The following NUP133 variants were observed in gnomAD, a reference collection of about 807,000 sequenced individuals.
NUP133 encodes nuclear pore complex protein Nup133.
In NUP133, 66 loss-of-function variants were observed where a neutral mutation model predicts 146.2. That is an observed-to-expected ratio of 0.45 (90% confidence interval 0.37 to 0.55). NUP133 has a LOEUF of 0.55. Ranked by LOEUF, NUP133 falls within the 20% of genes least tolerant of loss-of-function variation. NUP133 has a pLI of 0.00. For synonymous variants in NUP133, 521 were observed against 498.8 expected (o/e 1.04, Z -0.59); for missense variants, 1,277 against 1,374.8 (o/e 0.93, Z 1.12).
At chr1:229,498,683 G>C (rs964486614) in intron 5 of NUP133, among the ~76,000 whole-genome samples, 6 of 151,626 alleles carry the variant, frequency 4.0e-5, no homozygotes, top group African/African-American at 1.5e-4. Flanking sequence ...TTGAACCCAG[G>C]AGGCAGAGGT....
At chr1:229,503,977 CAA>C (rs910078559) in intron 2 of NUP133, among the ~76,000 whole-genome samples, 13 of 141,650 alleles carry the variant, frequency 9.2e-5, no homozygotes, top group African/African-American at 2.9e-4. Context: ...ACATATATAC[CAA>C]TATATATATA....
chr1:229,499,950 C>T (rs554109890), intron 4 of NUP133, 132 bp from the exon 5 acceptor site: 4 of 1,107,326 alleles, frequency 3.6e-6, no homozygotes, highest in African/African-American at 3.2e-5. Context: ...TAAGAACTCA[C>T]CAGTGTTTTG....
At chr1:229,470,247 A>T (rs527352239) in intron 15 of NUP133, among the ~76,000 whole-genome samples, 25 of 151,510 alleles carry the variant, frequency 1.7e-4, no homozygotes, top group African/African-American at 6.1e-4. Flanking sequence ...CTGAGGTAGG[A>T]GAATCACTGG....
chr1:229,507,981 C>T (rs547637008), intron 1 of NUP133, 87 bp downstream of exon 1: 2 of 1,328,068 alleles, frequency 1.5e-6, no homozygotes, highest in East Asian at 2.9e-5. Flanking sequence ...GCCCCGGTTC[C>T]AAAGGCTTCT....
In NUP133 at chr1:229,477,696, A is replaced by G. The variant is rs1346366609; in HGVS notation, c.1657T>C (p.Ser553Pro). 1.2e-6 allele frequency: 2 copies of G among 1,613,902 alleles called. No homozygotes were observed. The highest frequency in any genetic ancestry group is 2.2e-5 in the East Asian group (1 of 44,888). The change falls in exon 13 of 26, where the codon TCT becomes CCT. Residue 553 changes from serine to proline, a missense_variant. This residue lies in a region of NUP133 where 952 missense variants were observed against 1,047.0 expected (regional missense o/e 0.91). Coordinates refer to ENST00000261396, the MANE Select transcript of NUP133 (RefSeq NM_018230.3). ...ELFSSHSDLDSDSELDRAVTQ... is the reference protein window; with the variant it reads ...ELFSSHSDLDPDSELDRAVTQ... ...ACTGCCCTGTCTAGTTCAGAATCAG[A>G]ATCCAAATCAGAGTGAGAGGAAAAG...
intron 11 of NUP133, 132 bp downstream of exon 11, chr1:229,486,239 T>C (rs557961868): frequency 3.8e-5 from 29 of 767,820 alleles, no homozygotes; most frequent in Middle Eastern, 2.7e-4. Flanking sequence ...GGAGGATTGC[T>C]TGAGGCCAGG....
Position 229,496,035 on chromosome 1 carries a change from G to C in NUP133, c.832C>G (p.Leu278Val). ...AAGCTTGATCTCTCTCTATCCCAGA[G>C]AACACTTGAAAGCTATTCAGAAAAG... Reference protein sequence around the residue: ...PSSDLTLSSVLWDRERSSFYS... With the variant: ...PSSDLTLSSVVWDRERSSFYS... Residue 278 changes from leucine (L) to valine (V), a missense_variant, in exon 7 of 26, where the codon CTC (leucine) becomes GTC (valine). Transcript: ENST00000261396. 1 of 1,582,766 alleles carries C rather than the reference G, an allele frequency of 6.3e-7. No homozygotes were observed. Among genetic ancestry groups the C allele is most frequent in the Non-Finnish European group, 8.6e-7 (1 of 1,169,488 alleles).
At chr1:229,498,400 G>T in intron 5 of NUP133, 94 bp from the exon 6 acceptor site, 1 of 803,074 alleles carries the variant, frequency 1.2e-6, no homozygotes, top group Non-Finnish European at 1.9e-6. Context: ...CATCGTAATT[G>T]AAATAAATCT....
chr1:229,505,119 T>C (rs933592311), intron 2 of NUP133, among the ~76,000 whole-genome samples: 9 of 152,218 alleles, frequency 5.9e-5, no homozygotes, highest in African/African-American at 2.2e-4. Context: ...TTCTTCCAAG[T>C]GGCCCAGGGA....
chr1:229,457,757 C>G, intron 21 of NUP133, among the ~76,000 whole-genome samples: 1 of 152,138 alleles, frequency 6.6e-6, no homozygotes, highest in East Asian at 1.9e-4. Context: ...GCCAACTGTA[C>G]TATATGTAAT....
chr1:229,460,885 A>AT, intron 19 of NUP133, 116 bp from the exon 20 acceptor site: 1 of 773,948 alleles, frequency 1.3e-6, no homozygotes, highest in Non-Finnish European at 2.0e-6. Flanking sequence ...TCTAAACAAT[A>AT]ATTTCCTATA....
At chr1:229,493,868 G>A (rs1661586047) in intron 8 of NUP133, among the ~76,000 whole-genome samples, 1 of 152,202 alleles carries the variant, frequency 6.6e-6, no homozygotes, top group Admixed American at 6.5e-5. Flanking sequence ...CGTGGTGGCT[G>A]ACACCTGCAA....
chr1:229,463,227 G>A (rs1467947025), intron 19 of NUP133, among the ~76,000 whole-genome samples: 2 of 152,000 alleles, frequency 1.3e-5, no homozygotes, highest in Admixed American at 1.3e-4. Flanking sequence ...TGTCTCTACT[G>A]AAAAATGAAC....
rs534810481 is a variant in NUP133 at position 229,463,635 on chromosome 1, T to C, written c.2593A>G (p.Lys865Glu). 2.5e-6 allele frequency: 4 copies of C among 1,614,032 alleles called. No homozygotes were observed. In the East Asian group the frequency reaches 8.9e-5, roughly 36 times the overall value. The change falls in exon 19 of 26, where the codon AAA (lysine) becomes GAA (glutamate). Residue 865 changes from lysine to glutamate, a missense_variant. By Grantham distance (56) the Lys-to-Glu change is moderately conservative. This residue lies in a region of NUP133 where 952 missense variants were observed against 1,047.0 expected (regional missense o/e 0.91). Transcript: ENST00000261396. The stretch of plus-strand genomic sequence containing the variant: ...ACCAATATATCAAAGTCACAGTATT[T>C]CTCTGCTAGAGAAGCAGCCCACAGG... Reference protein sequence around the residue: ...QYLWAASLAEKYCDFDILVQM... With the variant: ...QYLWAASLAEEYCDFDILVQM...
chr1:229,441,012 A>G lies in NUP133; in HGVS notation c.*892T>C, dbSNP rs1660171266. On this transcript the variant is annotated 3_prime_UTR_variant, in exon 26 of 26. Transcript: ENST00000261396. ...ACTCCCTGTCCAACCTCTGGCCTTT[A>G]TTTAAAACCCAGATAAACATTGAGT... is the stretch of plus-strand genomic sequence containing the variant. The G allele has an allele frequency of 6.3e-6, 1 of 159,158 alleles. No individual in the cohort carries two copies. The highest frequency in any genetic ancestry group is 1.4e-5 in the Non-Finnish European group (1 of 72,288). 9.9% of individuals were successfully genotyped at this position (159,158 alleles called of 1,614,324 possible).
intron 12 of NUP133, among the ~76,000 whole-genome samples, chr1:229,482,320 G>A (rs1661234651): frequency 6.6e-6 from 1 of 152,074 alleles, no homozygotes; most frequent in East Asian, 1.9e-4. Context: ...CTCAGAACTG[G>A]GGGAAATGAA....
At chr1:229,494,668 G>C (rs1661607644) in intron 8 of NUP133, among the ~76,000 whole-genome samples, 1 of 152,214 alleles carries the variant, frequency 6.6e-6, no homozygotes, top group African/African-American at 2.4e-5. Flanking sequence ...CACTCAGAGA[G>C]AGCACTGTTT....
chr1:229,496,984 G>A (rs1348395212), intron 6 of NUP133, among the ~76,000 whole-genome samples: 1 of 152,246 alleles, frequency 6.6e-6, no homozygotes. Context: ...AGTTAGTCAT[G>A]AAGAGGAGTG....
intron 21 of NUP133, among the ~76,000 whole-genome samples, chr1:229,453,800 G>T (rs1299093879): frequency 2.6e-5 from 4 of 152,176 alleles, no homozygotes; most frequent in Non-Finnish European, 5.9e-5. Context: ...GCTATGTGAG[G>T]TCTGTGTTTG....
Sources: gnomAD v4.1 joint callset for allele counts (sites outside exome capture counted in the v4.1 genomes callset) on GRCh38, gnomAD v4.1.1 for gene constraint, gnomAD v4.1.1 regional missense constraint, MANE v1.5 for transcripts, NCBI Gene and HGNC (gene_info 2026-07-23, HGNC 2026-07-21) for gene names.